The following DLC1 variants were observed in gnomAD, a reference collection of about 807,000 sequenced individuals.
The protein encoded by DLC1 is DLC1 Rho GTPase activating protein, also known as rho GTPase-activating protein 7.
DLC1 carries 54 observed loss-of-function variants against 140.3 expected under a neutral mutation model. That is an observed-to-expected ratio of 0.38 (90% CI 0.31 to 0.48). The LOEUF (loss-of-function observed/expected upper bound fraction) is 0.48. DLC1 is among the 20% of genes least tolerant of loss of function. DLC1 has a pLI of 0.96. For synonymous variants in DLC1, 986 were observed against 728.1 expected (o/e 1.35, Z -5.70); for missense variants, 2,536 against 1,907.0 (o/e 1.33, Z -6.14).
At chr8:13,473,404 C>G (rs1800299834) in intron 2 of DLC1, among the ~76,000 whole-genome samples, 1 of 152,144 alleles carries the variant, frequency 6.6e-6, no homozygotes. Flanking sequence ...CACAGGCTCT[C>G]TTGTTTTGCC....
At chr8:13,317,967 C>T (rs1007356795) in intron 4 of DLC1, among the ~76,000 whole-genome samples, 2 of 152,102 alleles carry the variant, frequency 1.3e-5, no homozygotes, top group African/African-American at 2.4e-5. Context: ...TTGTTCTATG[C>T]CAGGCAGTTT....
In DLC1 at chr8:13,401,541, C is replaced by A. The variant is rs758317350; in HGVS notation, c.1102G>T (p.Asp368Tyr). ...CTGGTGCTGAGGGCATTTTCTATGT[C>A]CTGATCAAGCTGGTCCAGTTTCATA... ...LIMKLDQLDQDIENALSTSSS... is the reference protein window; with the variant it reads ...LIMKLDQLDQYIENALSTSSS... The change falls in exon 3 of 18, where the codon GAC becomes TAC. Residue 368 changes from aspartate (D) to tyrosine (Y), a missense_variant. Physicochemically the swap from Asp to Tyr is radical, Grantham distance 160. Transcript: ENST00000276297. 1 of 1,613,354 alleles carries A rather than the reference C, an allele frequency of 6.2e-7. No individual in the cohort carries two copies. Among genetic ancestry groups the A allele is most frequent in the African/African-American group, 1.3e-5 (1 of 74,904 alleles).
chr8:13,356,885 T>G (rs1834964878), intron 4 of DLC1, among the ~76,000 whole-genome samples: 2 of 151,954 alleles, frequency 1.3e-5, no homozygotes, highest in African/African-American at 4.8e-5. Context: ...ATTATTATTT[T>G]TTTACTTCAC....
intron 5 of DLC1, among the ~76,000 whole-genome samples, chr8:13,200,134 C>T (rs759790782): frequency 1.4e-4 from 21 of 152,110 alleles, no homozygotes; most frequent in Non-Finnish European, 2.8e-4. Context: ...CCTCCGCCTC[C>T]TGGGTTCAAG....
intron 5 of DLC1, among the ~76,000 whole-genome samples, chr8:13,295,803 C>G (rs984916022): frequency 3.3e-5 from 5 of 152,028 alleles, no homozygotes; most frequent in African/African-American, 9.7e-5. Context: ...AAACTAGGAT[C>G]AATCAACACT....
chr8:13,215,236 A>T (rs1292802635), intron 5 of DLC1, among the ~76,000 whole-genome samples: 1 of 152,224 alleles, frequency 6.6e-6, no homozygotes, highest in South Asian at 2.1e-4. Flanking sequence ...AACAAAAAAA[A>T]TTAATAAAAG....
At chr8:13,571,899 T>G (rs192982262) in intron 1 of DLC1, among the ~76,000 whole-genome samples, 109 of 152,270 alleles carry the variant, frequency 7.2e-4, no homozygotes, top group African/African-American at 2.5e-3. Context: ...TTATAGCCAT[T>G]TTGGTAGTTG....
intron 5 of DLC1, chr8:13,133,406 G>A: frequency 2.8e-6 from 2 of 723,152 alleles, no homozygotes; most frequent in Non-Finnish European, 3.5e-6. Context: ...CTTAGCGACG[G>A]GCTGTTCTCC....
intron 5 of DLC1, among the ~76,000 whole-genome samples, chr8:13,244,874 A>G (rs1342774832): frequency 2.6e-5 from 4 of 152,176 alleles, no homozygotes; most frequent in Non-Finnish European, 5.9e-5. Context: ...CTCTTCACTC[A>G]CTTTAACCAT....
intron 1 of DLC1, among the ~76,000 whole-genome samples, chr8:13,555,258 T>C (rs6530643): frequency 0.82 from 124,175 of 152,100 alleles, 51,006 homozygotes; most frequent in East Asian, 0.96. Flanking sequence ...GTGTAAATTA[T>C]TTACTCACTG....
intron 5 of DLC1, among the ~76,000 whole-genome samples, chr8:13,155,522 T>A (rs1211921238): frequency 1.3e-5 from 2 of 152,144 alleles, no homozygotes; most frequent in African/African-American, 4.8e-5. Flanking sequence ...GTATCTTCAG[T>A]GCCTCAGGAA....
chr8:13,186,026 C>G (rs1287401055), intron 5 of DLC1, among the ~76,000 whole-genome samples: 1 of 152,204 alleles, frequency 6.6e-6, no homozygotes. Context: ...CACTGTTAGT[C>G]TGATGGGCTT....
intron 13 of DLC1, among the ~76,000 whole-genome samples, chr8:13,091,685 T>C (rs568897372): frequency 6.6e-6 from 1 of 152,136 alleles, no homozygotes; most frequent in South Asian, 2.1e-4. Flanking sequence ...ATTAAATAGG[T>C]TCCTACTGGG....
intron 12 of DLC1, among the ~76,000 whole-genome samples, chr8:13,093,489 C>A (rs1345296537): frequency 2.0e-5 from 3 of 152,038 alleles, no homozygotes; most frequent in Non-Finnish European, 4.4e-5. Flanking sequence ...TATGAATATG[C>A]AAATATATAA....
At chr8:13,086,899 C>A (rs1416385968) in intron 16 of DLC1, among the ~76,000 whole-genome samples, 2 of 152,004 alleles carry the variant, frequency 1.3e-5, no homozygotes, top group Non-Finnish European at 2.9e-5. Flanking sequence ...GTGGTGTGCT[C>A]CTGTAGTCTC....
At chr8:13,412,755 A>G (rs1297656885) in intron 2 of DLC1, among the ~76,000 whole-genome samples, 1 of 151,834 alleles carries the variant, frequency 6.6e-6, no homozygotes, top group East Asian at 1.9e-4. Context: ...ACACGGTGAA[A>G]CCCCGTCTGT....
At chr8:13,599,600 T>G (rs1487646316) in intron 1 of DLC1, among the ~76,000 whole-genome samples, 1 of 151,972 alleles carries the variant, frequency 6.6e-6, no homozygotes, top group Non-Finnish European at 1.5e-5. Flanking sequence ...ACTACGGAAG[T>G]TGAAGAAGTC....
chr8:13,125,818 A>G (rs1269429117), intron 5 of DLC1, among the ~76,000 whole-genome samples: 1 of 151,904 alleles, frequency 6.6e-6, no homozygotes, highest in African/African-American at 2.4e-5. Context: ...CCTAGAAATT[A>G]TAGAAAGGAG....
At chr8:13,271,791 T>A (rs1240640895) in intron 5 of DLC1, among the ~76,000 whole-genome samples, 1 of 152,208 alleles carries the variant, frequency 6.6e-6, no homozygotes, top group Non-Finnish European at 1.5e-5. Flanking sequence ...CTCAAGTGAT[T>A]CTCCTGACTC....
Sources: gnomAD v4.1 joint callset for allele counts (sites outside exome capture counted in the v4.1 genomes callset) on GRCh38, gnomAD v4.1.1 for gene constraint, MANE v1.5 for transcripts, NCBI Gene and HGNC (gene_info 2026-07-23, HGNC 2026-07-21) for gene names.